ZNF185: variants seen among roughly 807,000 people sequenced by gnomAD.
The protein encoded by ZNF185 is zinc finger protein 185 with LIM domain.
Under a neutral mutation model 58.6 loss-of-function variants are expected in ZNF185, and 56 were observed. The ratio of observed to expected loss-of-function variants is 0.95; its 90% CI spans 0.77 to 1.19. ZNF185 has a LOEUF of 1.19. Among genes scored for constraint, ZNF185 ranks in the 50% most tolerant of loss-of-function variants. The pLI is 0.00. For synonymous variants in ZNF185, 230 were observed against 215.9 expected, an observed-to-expected ratio of 1.07 and a Z score of -0.57; for missense variants, 627 against 573.5, an observed-to-expected ratio of 1.09 and a Z score of -0.95.
At chrX:152,922,186 G>A in exon 10 of ZNF185, 1 of 1,195,288 alleles carries the variant, frequency 8.4e-7, no homozygotes, top group Non-Finnish European at 1.1e-6. Flanking sequence ...GGAGGTGGTG[G>A]AAGAGGACGG....
rs1316649568 is a variant in ZNF185 at position 152,914,630 on chromosome X, A to T, written c.35-80A>T. The T allele has an allele frequency of 7.7e-6, 9 of 1,167,282 alleles. No individual in the cohort carries two copies. In the African/African-American group the frequency reaches 1.4e-4, roughly 19 times the overall value. On this transcript the variant is annotated intron_variant, in intron 1 of 22. Transcript: ENST00000449285. The stretch of plus-strand genomic sequence containing the variant: ...GTCCCAGCAGCAAAGGGAGAGCAGC[A>T]TACTGGGAGAACTGGAAAGGAGGTC...
At chrX:152,913,154 G>A (rs1290420137), upstream of ZNF185, among the ~76,000 whole-genome samples, 2 of 112,673 alleles carry the variant, frequency 1.8e-5, no homozygotes, top group African/African-American at 6.4e-5. Context: ...TGCTGAGCTG[G>A]TCAGACCCTA....
chrX:152,958,737 A>G (rs2049121252), intron 16 of ZNF185, among the ~76,000 whole-genome samples: 1 of 109,068 alleles, frequency 9.2e-6, no homozygotes, highest in Middle Eastern at 4.2e-3. Context: ...GTCTCAAAAA[A>G]AAAAAAAGGG....
upstream of ZNF185, among the ~76,000 whole-genome samples, chrX:152,910,382 T>A (rs1374646259): frequency 8.9e-6 from 1 of 112,338 alleles, no homozygotes; most frequent in Non-Finnish European, 1.9e-5. Context: ...TTTACAGATT[T>A]TTTCCCCTGT....
intron 3 of ZNF185, 122 bp downstream of exon 4, chrX:152,915,325 G>A: frequency 1.4e-6 from 1 of 698,353 alleles, no homozygotes; most frequent in Non-Finnish European, 2.1e-6. Context: ...CCCCAGCCAA[G>A]GGTCTGCAAT....
chrX:152,910,282 C>T (rs1173953048), upstream of ZNF185, among the ~76,000 whole-genome samples: 8 of 112,128 alleles, frequency 7.1e-5, no homozygotes, highest in Middle Eastern at 4.6e-3. Flanking sequence ...GGTAAACCAC[C>T]GTCGGGCTCA....
At chrX:152,969,955 C>G (rs2050517524) in intron 21 of ZNF185, among the ~76,000 whole-genome samples, 1 of 112,037 alleles carries the variant, frequency 8.9e-6, no homozygotes, top group South Asian at 3.8e-4. Context: ...TTGTTGGTTC[C>G]AATCCATTTA....
At chrX:152,955,230 G>A (rs2048701657) in intron 16 of ZNF185, among the ~76,000 whole-genome samples, 1 of 112,293 alleles carries the variant, frequency 8.9e-6, no homozygotes, top group Non-Finnish European at 1.9e-5. Flanking sequence ...TTCTCAGGCC[G>A]TATTTAATTT....
intron 3 of ZNF185, among the ~76,000 whole-genome samples, 173 bp from the exon 5 acceptor site, chrX:152,916,958 C>T (rs191093629): frequency 5.5e-4 from 62 of 112,762 alleles, no homozygotes; most frequent in Middle Eastern, 9.2e-3. Context: ...CAGAGCATAG[C>T]GGGCACCTGA....
intron 11 of ZNF185, among the ~76,000 whole-genome samples, chrX:152,925,558 A>G (rs1008636138): frequency 2.0e-4 from 22 of 111,339 alleles, no homozygotes; most frequent in African/African-American, 7.2e-4. Flanking sequence ...CTTTCCTCCA[A>G]TTCTGGTCAC....
chrX:152,919,732 G>C (rs979418594), intron 7 of ZNF185, among the ~76,000 whole-genome samples: 2 of 112,451 alleles, frequency 1.8e-5, no homozygotes, highest in African/African-American at 6.5e-5. Flanking sequence ...TACAGCAGTT[G>C]GGCCCTGAGG....
chrX:152,911,151 A>C (rs1007841672), upstream of ZNF185, among the ~76,000 whole-genome samples: 1 of 111,783 alleles, frequency 8.9e-6, no homozygotes, highest in South Asian at 3.7e-4. Flanking sequence ...GGGAGCACCC[A>C]GTAGGAGCAG....
chrX:152,898,285 T>TG, the ZNF185 span, among the ~76,000 whole-genome samples: 1 of 112,167 alleles, frequency 8.9e-6, no homozygotes, highest in Non-Finnish European at 1.9e-5. Flanking sequence ...TTGGAGGCAG[T>TG]GGGGGGCACC....
chrX:152,916,364 C>T (rs782034855), intron 3 of ZNF185, among the ~76,000 whole-genome samples: 4 of 111,364 alleles, frequency 3.6e-5, no homozygotes, highest in East Asian at 2.9e-4. Context: ...AACTCCTGCC[C>T]GGAGGCCAGA....
At chrX:152,927,444 C>T (rs781830187) in intron 11 of ZNF185, among the ~76,000 whole-genome samples, 229 of 111,617 alleles carry the variant, frequency 2.1e-3, no homozygotes, top group African/African-American at 7.1e-3. Context: ...CTTGCTTTCA[C>T]CTTGGCCACT....
Position 152,928,675 on chromosome X carries a change from G to A in ZNF185, c.917+14G>A, listed in dbSNP as rs781803781. ...GGAAGGCATGAGGTATGGGGGTCCTGCTGCTGTCCTGGCTCCCTGGACACC... is the reference window on the plus strand; with the variant it reads ...GGAAGGCATGAGGTATGGGGGTCCTACTGCTGTCCTGGCTCCCTGGACACC... On this transcript the variant is annotated intron_variant, in intron 12 of 22. Coordinates refer to ENST00000449285, the Ensembl canonical transcript of ZNF185. The A allele has an allele frequency of 1.7e-6, 2 of 1,203,970 alleles. No individual in the cohort carries two copies. The highest frequency in any genetic ancestry group is 2.2e-6 in the Non-Finnish European group (2 of 889,998).
In ZNF185 at chrX:152,947,388, TAAAAA is replaced by T. The variant is rs1444125481; in HGVS notation, c.1409+1925_1409+1929del. Among the ~76,000 whole-genome samples the T allele has an allele frequency of 2.7e-5, 3 of 110,503 alleles. No homozygotes were observed. The Admixed American group carries it at 2.9e-4, about 11-fold the overall frequency. ...ACAAAACAAGATCCTGTCTCCAAAA[TAAAAA>T]TAAAAAAAATAAAGATAACGGTGAG... On this transcript the variant is annotated intron_variant, in intron 16 of 22. Transcript: ENST00000449285.
At chrX:152,926,862 G>C (rs950660738) in intron 11 of ZNF185, among the ~76,000 whole-genome samples, 2 of 112,805 alleles carry the variant, frequency 1.8e-5, no homozygotes, top group African/African-American at 6.4e-5. Flanking sequence ...GGTGTCGGAA[G>C]GGCCATGCTC....
intron 16 of ZNF185, among the ~76,000 whole-genome samples, chrX:152,950,813 G>T (rs61355774): frequency 0.057 from 6,391 of 111,478 alleles, 469 homozygotes; most frequent in African/African-American, 0.2. Context: ...TAGCATTATG[G>T]GTTAGCGAGA....
Sources: allele counts gnomAD v4.1 joint callset (sites outside exome capture counted in the v4.1 genomes callset), GRCh38; gene constraint gnomAD v4.1.1; transcripts MANE v1.5; gene names NCBI Gene and HGNC (gene_info 2026-07-23, HGNC 2026-07-21).